The following LRRC37A2 variants were observed in gnomAD, a reference collection of about 807,000 sequenced individuals.
LRRC37A2 encodes leucine-rich repeat-containing protein 37A2.
A neutral mutation model predicts 68.8 loss-of-function variants in LRRC37A2; 9 were observed. That is an observed-to-expected ratio of 0.13 (90% CI 0.08 to 0.23). LRRC37A2 has a LOEUF of 0.23. Ranked by LOEUF, LRRC37A2 falls within the 10% of genes least tolerant of loss-of-function variation. The pLI, the probability that LRRC37A2 is intolerant of heterozygous loss-of-function variation, is 1.00. For missense variants in LRRC37A2, 168 were observed against 950.4 expected (o/e 0.18, Z 10.82); for synonymous variants, 63 against 367.6 (o/e 0.17, Z 9.48).
At chr17:46,935,413 T>A in the LRRC37A2 span, 2 of 1,427,736 alleles carry the variant, frequency 1.4e-6, no homozygotes, top group Non-Finnish European at 1.8e-6. Flanking sequence ...CCAGGTCTTT[T>A]CCCATTTACT....
At chr17:46,944,904 T>G in the LRRC37A2 span, among the ~76,000 whole-genome samples, 1 of 152,204 alleles carries the variant, frequency 6.6e-6, no homozygotes, top group Non-Finnish European at 1.5e-5. Flanking sequence ...CCGGCCTTAA[T>G]TTTTAACTTT....
At chr17:46,833,068 G>A in the LRRC37A2 span, 11 of 349,370 alleles carry the variant, frequency 3.1e-5, no homozygotes, top group Admixed American at 1.2e-4. Context: ...TGTCCCTGAA[G>A]AGTCCACCAC....
chr17:46,965,170 AGG>A, the LRRC37A2 span: 1 of 152,248 alleles, frequency 6.6e-6, no homozygotes, highest in Admixed American at 6.5e-5. Context: ...TCGGGTGGGC[AGG>A]GCCCAGGGCA....
At chr17:46,900,180 T>TATATATATACAC in the LRRC37A2 span, among the ~76,000 whole-genome samples, 6 of 117,234 alleles carry the variant, frequency 5.1e-5, 1 homozygote, top group African/African-American at 2.8e-4. Context: ...TATATATATA[T>TATATATATACAC]ATATATATAT....
chr17:46,737,572 C>T, the LRRC37A2 span, among the ~76,000 whole-genome samples: 18 of 147,264 alleles, frequency 1.2e-4, no homozygotes, highest in Middle Eastern at 0.011. Flanking sequence ...GGTGTGTGTG[C>T]GTGTGTGTGT....
intron 6 of LRRC37A2, among the ~76,000 whole-genome samples, chr17:46,533,108 ATGAAC>A: frequency 8.6e-6 from 1 of 116,406 alleles, no homozygotes; most frequent in East Asian, 2.4e-4. Context: ...GTCTTGAAAA[ATGAAC>A]AGTAAGAAAA....
chr17:46,804,692 A>G, the LRRC37A2 span, among the ~76,000 whole-genome samples: 4 of 152,212 alleles, frequency 2.6e-5, no homozygotes, highest in African/African-American at 9.7e-5. Context: ...AAGGAATGAG[A>G]GATGAGGCCA....
At chr17:46,499,066 G>A in the LRRC37A2 span, among the ~76,000 whole-genome samples, 4 of 148,734 alleles carry the variant, frequency 2.7e-5, no homozygotes, top group African/African-American at 1.0e-4. Flanking sequence ...TGTAATCCCA[G>A]CACTTTGGGA....
the LRRC37A2 span, among the ~76,000 whole-genome samples, chr17:46,968,181 C>G: frequency 4.6e-5 from 7 of 152,156 alleles, no homozygotes; most frequent in African/African-American, 1.7e-4. Flanking sequence ...CAGTCAGGCA[C>G]TCAGTGAATA....
At chr17:46,858,519 C>T in the LRRC37A2 span, among the ~76,000 whole-genome samples, 13 of 151,726 alleles carry the variant, frequency 8.6e-5, no homozygotes, top group South Asian at 2.1e-4. Context: ...TGATATCTTT[C>T]GGTCCTCCAG....
At chr17:46,779,103 A>ACACACACACACACACACCCCCCC in the LRRC37A2 span, among the ~76,000 whole-genome samples, 1 of 133,590 alleles carries the variant, frequency 7.5e-6, no homozygotes, top group Admixed American at 7.8e-5. Context: ...ACACACACAC[A>ACACACACACACACACACCCCCCC]CCCCAGCCCA....
At chr17:46,847,967 A>AGTGTGTGT in the LRRC37A2 span, among the ~76,000 whole-genome samples, 5,325 of 149,626 alleles carry the variant, frequency 0.036, 99 homozygotes, top group Middle Eastern at 0.058. Flanking sequence ...TGATTTCCAA[A>AGTGTGTGT]GTGTGTGTGT....
At chr17:46,791,412 G>A in the LRRC37A2 span, among the ~76,000 whole-genome samples, 1 of 152,050 alleles carries the variant, frequency 6.6e-6, no homozygotes, top group Non-Finnish European at 1.5e-5. Context: ...TCAACATGTT[G>A]GCCAGGCTGG....
chr17:46,867,591 G>A, the LRRC37A2 span, among the ~76,000 whole-genome samples: 97 of 152,316 alleles, frequency 6.4e-4, 1 homozygote, highest in Non-Finnish European at 1.0e-3. Context: ...TCCTGCTGAC[G>A]GTGGACAGAG....
chr17:46,965,508 G>A, the LRRC37A2 span, among the ~76,000 whole-genome samples: 1 of 152,212 alleles, frequency 6.6e-6, no homozygotes, highest in East Asian at 1.9e-4. Flanking sequence ...TGTCTGATCT[G>A]TGGACTGTGG....
chr17:47,021,674 C>G, the LRRC37A2 span: 1 of 694,160 alleles, frequency 1.4e-6, no homozygotes, highest in Non-Finnish European at 2.4e-6. Flanking sequence ...GTGCCAGTGA[C>G]CCCGCATAAT....
the LRRC37A2 span, among the ~76,000 whole-genome samples, chr17:46,896,475 A>AGAAC: frequency 7.7e-6 from 1 of 130,104 alleles, no homozygotes; most frequent in Admixed American, 7.1e-5. Flanking sequence ...AAAGAAAGAA[A>AGAAC]GACAGACCAA....
the LRRC37A2 span, among the ~76,000 whole-genome samples, chr17:46,856,923 C>T: frequency 6.6e-6 from 1 of 152,222 alleles, no homozygotes; most frequent in Non-Finnish European, 1.5e-5. Flanking sequence ...AATCAACCCT[C>T]TCCCACCAGC....
At chr17:46,806,254 C>G in the LRRC37A2 span, among the ~76,000 whole-genome samples, 1 of 134,248 alleles carries the variant, frequency 7.4e-6, no homozygotes, top group East Asian at 2.2e-4. Context: ...TTTTATTGCC[C>G]AGGCTGGAGT....
Sources: gnomAD v4.1 joint callset for allele counts (sites outside exome capture counted in the v4.1 genomes callset) on GRCh38, gnomAD v4.1.1 for gene constraint, MANE v1.5 for transcripts, NCBI Gene and HGNC (gene_info 2026-07-23, HGNC 2026-07-21) for gene names.